The following SLC25A53 variants were observed in gnomAD, a reference collection of about 807,000 sequenced individuals.
SLC25A53 encodes mitochondrial carrier triple repeat protein 6.
In SLC25A53, 5 loss-of-function variants were observed where a neutral mutation model predicts 15.0. The observed-to-expected ratio is 0.33, with a 90% CI of 0.17 to 0.70. The LOEUF is 0.70. Ranked by LOEUF, SLC25A53 falls within the 30% of genes least tolerant of loss-of-function variation. The pLI, the probability that SLC25A53 is intolerant of heterozygous loss-of-function variation, is 0.67. For missense variants in SLC25A53, 216 were observed against 241.6 expected, an observed-to-expected ratio of 0.89 and a Z score of 0.70; for synonymous variants, 95 against 100.0, an observed-to-expected ratio of 0.95 and a Z score of 0.30.
chrX:104,113,986 T>TG, intron 1 of SLC25A53: 3 of 1,085,473 alleles, frequency 2.8e-6, no homozygotes, highest in Middle Eastern at 5.9e-4. Context: ...TTACTTTCCT[T>TG]AGAATCCCTA....
chrX:104,132,553 G>A (rs1330611717), intron 1 of SLC25A53, among the ~76,000 whole-genome samples: 2 of 112,145 alleles, frequency 1.8e-5, no homozygotes, highest in Non-Finnish European at 3.8e-5. Context: ...GACAGATTCT[G>A]GCTTCTAGTA....
intron 1 of SLC25A53, among the ~76,000 whole-genome samples, chrX:104,128,132 C>T (rs12011089): frequency 0.46 from 50,839 of 110,402 alleles, 9,198 homozygotes; most frequent in Middle Eastern, 0.65. Context: ...GTTTTACAAA[C>T]AGTGCTAAAA....
chrX:104,115,321 T>G (rs1429532286), intron 1 of SLC25A53: 41 of 1,157,031 alleles, frequency 3.5e-5, no homozygotes, highest in Non-Finnish European at 4.6e-5. Flanking sequence ...TGAGCCACAG[T>G]AAGGATCTAG....
intron 1 of SLC25A53, among the ~76,000 whole-genome samples, chrX:104,111,534 A>G (rs1442820986): frequency 8.9e-6 from 1 of 111,782 alleles, no homozygotes; most frequent in Non-Finnish European, 1.9e-5. Flanking sequence ...AAAAAATGAA[A>G]GAAAGAAAAG....
Position 104,105,212 on chromosome X carries a change from T to C in SLC25A53, c.46A>G (p.Thr16Ala). 1 of 1,211,678 alleles carries C rather than the reference T, an allele frequency of 8.3e-7. No homozygotes were observed. The highest frequency in any genetic ancestry group is 1.8e-5 in the South Asian group (1 of 56,909). Residue 16 changes from threonine (T) to alanine (A), a missense_variant, in exon 2 of 2, where the codon ACG (threonine) becomes GCG (alanine). Thr to Ala is a moderately conservative substitution (Grantham distance 58). Transcript: ENST00000594199. The part of the protein sequence containing the change: ...HSPGKELQHR[T>A]RAEAPGKKSW... ...TTCTTTCCTGGAGCCTCTGCTCGCG[T>C]CCTGTGCTGAAGCTCCTTCCCGGGA... is the stretch of plus-strand genomic sequence containing the variant.
At position 104,101,537 on chromosome X, in the gene SLC25A53, T is replaced by C. The variant is rs1459619637; in HGVS notation, c.*2797A>G. 8 of 112,202 alleles carry C rather than the reference T, an allele frequency of 7.1e-5. No homozygotes were observed. The highest frequency in any genetic ancestry group is 4.2e-3 in the Middle Eastern group (1 of 239). The allele number at this position is 112,202 out of a possible 1,213,427, so 9.2% of individuals were successfully genotyped here. On this transcript the variant is annotated 3_prime_UTR_variant, in exon 2 of 2. Coordinates refer to ENST00000594199, the MANE Select transcript of SLC25A53 (RefSeq NM_001012755.5). The stretch of plus-strand genomic sequence containing the variant: ...TTGGAAATTCTAAGGATTTTAGGAG[T>C]TGTATGCCAAGAAACAGGATCAAAG...
At chrX:104,143,186 GCCT>G (rs201087667) in intron 1 of SLC25A53, among the ~76,000 whole-genome samples, 2,134 of 111,112 alleles carry the variant, frequency 0.019, 60 homozygotes, top group African/African-American at 0.067. Flanking sequence ...AAACCAGAAC[GCCT>G]CTTCTCCTTC....
chrX:104,149,666 C>T (rs1363152969), intron 1 of SLC25A53, among the ~76,000 whole-genome samples: 1 of 112,058 alleles, frequency 8.9e-6, no homozygotes, highest in Non-Finnish European at 1.9e-5. Flanking sequence ...CACAGTTTCA[C>T]TGCCCCCTAT....
chrX:104,145,567 G>A (rs1364829134), intron 1 of SLC25A53, among the ~76,000 whole-genome samples: 7 of 111,507 alleles, frequency 6.3e-5, no homozygotes, highest in East Asian at 5.6e-4. Context: ...CCACTAGCCA[G>A]ACTAATAAAG....
chrX:104,131,419 C>T lies in SLC25A53; in HGVS notation c.-32+25459G>A, dbSNP rs191950864. On this transcript the variant is annotated intron_variant, in intron 1 of 1. Coordinates refer to ENST00000594199, the MANE Select transcript of SLC25A53 (RefSeq NM_001012755.5). Reference sequence around the variant, plus strand: ...ATAGGAGCCACATGTTACAGACTACCGCCCCCATGTACTCCTCAAACCACT... The same window carrying T: ...ATAGGAGCCACATGTTACAGACTACTGCCCCCATGTACTCCTCAAACCACT... Among the ~76,000 whole-genome samples, 332 of 111,633 alleles carry T rather than the reference C, an allele frequency of 3.0e-3. 1 individual carries two copies. The highest frequency in any genetic ancestry group is 3.6e-3 in the Non-Finnish European group (191 of 53,137).
At chrX:104,129,722 T>G (rs1185665285) in intron 1 of SLC25A53, among the ~76,000 whole-genome samples, 3 of 108,454 alleles carry the variant, frequency 2.8e-5, no homozygotes, top group African/African-American at 1.0e-4. Context: ...AATCTGTGAA[T>G]AATAATAATA....
chrX:104,140,266 C>T (rs982723547), intron 1 of SLC25A53, among the ~76,000 whole-genome samples: 1 of 110,651 alleles, frequency 9.0e-6, no homozygotes, highest in Admixed American at 9.7e-5. Context: ...GCTGGGACTA[C>T]AGGCATGTGC....
chrX:104,131,461 C>T (rs1339597211), intron 1 of SLC25A53, among the ~76,000 whole-genome samples: 1 of 111,616 alleles, frequency 9.0e-6, no homozygotes, highest in African/African-American at 3.3e-5. Flanking sequence ...CTCATCACTC[C>T]ATTGAAATTG....
intron 1 of SLC25A53, among the ~76,000 whole-genome samples, chrX:104,140,322 C>CATGTGT (rs376339338): frequency 3.0e-5 from 3 of 100,925 alleles, no homozygotes; most frequent in African/African-American, 1.1e-4. Context: ...GACAGGATTC[C>CATGTGT]GTGTGTGTGT....
At chrX:104,121,874 GATATATATATATATATATATATATAT>G (rs59377172) in intron 1 of SLC25A53, among the ~76,000 whole-genome samples, 4 of 2,864 alleles carry the variant, frequency 1.4e-3, no homozygotes, top group Non-Finnish European at 3.1e-3. Flanking sequence ...CAAATGGTAT[GATATATATATATATATATATATATAT>G]ATATATATAT....
At chrX:104,154,672 T>C (rs2075495106) in intron 1 of SLC25A53, among the ~76,000 whole-genome samples, 1 of 111,904 alleles carries the variant, frequency 8.9e-6, no homozygotes, top group Non-Finnish European at 1.9e-5. Flanking sequence ...GGAAAATCTG[T>C]CCATTGATGA....
intron 1 of SLC25A53, among the ~76,000 whole-genome samples, chrX:104,145,274 A>T (rs1401873922): frequency 8.9e-6 from 1 of 112,447 alleles, no homozygotes; most frequent in African/African-American, 3.2e-5. Context: ...GAGAACAAAG[A>T]CACAACGTAT....
intron 1 of SLC25A53, among the ~76,000 whole-genome samples, chrX:104,144,827 A>AGACCT (rs1263138201): frequency 9.0e-6 from 1 of 111,572 alleles, no homozygotes; most frequent in Non-Finnish European, 1.9e-5. Flanking sequence ...AAGTTCTTAG[A>AGACCT]GACCTACAAA....
intron 1 of SLC25A53, among the ~76,000 whole-genome samples, chrX:104,140,887 T>C (rs1556367418): frequency 9.0e-6 from 1 of 111,311 alleles, no homozygotes; most frequent in African/African-American, 3.3e-5. Context: ...TTAAGCATTT[T>C]TTTTGGTCAG....
Sources: gnomAD v4.1 joint callset for allele counts (sites outside exome capture counted in the v4.1 genomes callset) on GRCh38, gnomAD v4.1.1 for gene constraint, MANE v1.5 for transcripts, NCBI Gene and HGNC (gene_info 2026-07-23, HGNC 2026-07-21) for gene names.